DNAJC13: variants seen among roughly 807,000 people sequenced by gnomAD.
The protein encoded by DNAJC13 is dnaJ homolog subfamily C member 13.
In DNAJC13, 75 loss-of-function variants were observed where a neutral mutation model predicts 290.5. The ratio of observed to expected loss-of-function variants is 0.26; its 90% CI spans 0.21 to 0.31. The LOEUF (loss-of-function observed/expected upper bound fraction) is 0.31. Ranked by LOEUF, DNAJC13 falls within the 10% of genes least tolerant of loss-of-function variation. The pLI is 1.00. For synonymous variants in DNAJC13, 862 were observed against 892.0 expected, an observed-to-expected ratio of 0.97 and a Z score of 0.60; for missense variants, 2,260 against 2,674.5, an observed-to-expected ratio of 0.85 and a Z score of 3.42.
intron 20 of DNAJC13, among the ~76,000 whole-genome samples, chr3:132,467,788 A>C (rs1295611339): frequency 6.6e-6 from 1 of 152,134 alleles, no homozygotes; most frequent in Non-Finnish European, 1.5e-5. Context: ...TTTCTAATTC[A>C]TATTTTTGTA....
At chr3:132,458,939 C>T (rs1404912857) in intron 13 of DNAJC13, among the ~76,000 whole-genome samples, 1 of 152,136 alleles carries the variant, frequency 6.6e-6, no homozygotes, top group East Asian at 1.9e-4. Context: ...AATCTGTCAG[C>T]TTCCTGAGGA....
rs542633273 is a variant in DNAJC13, at chr3:132,464,035, G to A, written c.1892+218G>A. Reference sequence around the variant, plus strand: ...GAAACACTGTTTACTTTTTTTCCCCGACCTATTATCAGGCCCTGACACCAT... The same window carrying A: ...GAAACACTGTTTACTTTTTTTCCCCAACCTATTATCAGGCCCTGACACCAT... On this transcript the variant is annotated intron_variant, in intron 17 of 55. Coordinates refer to ENST00000260818, the MANE Select transcript of DNAJC13 (RefSeq NM_015268.4). 7.2e-5 allele frequency among the ~76,000 whole-genome samples: 11 copies of A among 151,934 alleles called. No homozygotes were observed. The South Asian group carries it at 2.3e-3, about 32-fold the overall frequency.
intron 55 of DNAJC13, among the ~76,000 whole-genome samples, chr3:132,535,325 A>C (rs540729983): frequency 6.6e-6 from 1 of 152,396 alleles, no homozygotes; most frequent in East Asian, 1.9e-4. Context: ...TGATAAATTT[A>C]AATGAGACTG....
intron 17 of DNAJC13, among the ~76,000 whole-genome samples, chr3:132,465,060 A>T (rs2107677132): frequency 1.3e-5 from 2 of 152,284 alleles, no homozygotes; most frequent in Non-Finnish European, 2.9e-5. Flanking sequence ...ATGATAACCT[A>T]CCAAATGCCA....
At position 132,538,318 on chromosome 3, in the gene DNAJC13, G is replaced by A. The variant is rs1419953352; in HGVS notation, c.*36G>A. The A allele has an allele frequency of 1.3e-6, 2 of 1,555,204 alleles. No homozygotes were observed. Among genetic ancestry groups the A allele is most frequent in the Non-Finnish European group, 1.8e-6 (2 of 1,131,570 alleles). ...AGAGACAATAAACGCTGAAAGGCCA[G>A]TGCCAAGTCCACATTCCTCCAGCTG... On this transcript the variant is annotated 3_prime_UTR_variant, in exon 56 of 56. Transcript: ENST00000260818.
At chr3:132,523,078 A>T (rs1218077352) in intron 49 of DNAJC13, 79 bp from the exon 50 acceptor site, 2 of 1,603,504 alleles carry the variant, frequency 1.2e-6, no homozygotes, top group East Asian at 4.5e-5. Context: ...TGTGCCCATC[A>T]CCTCTAAAAC....
At position 132,526,225 on chromosome 3, in the gene DNAJC13, G is replaced by A; in HGVS notation, c.6325G>A (p.Ala2109Thr). 11 of 1,614,054 alleles carry A rather than the reference G, an allele frequency of 6.8e-6. No homozygotes were observed. Among genetic ancestry groups the A allele is most frequent in the Non-Finnish European group, 9.3e-6 (11 of 1,179,978 alleles). ...AAAGCGAGCAGATACTGTTGGTCTAGCCTGTGAAGCAATTAATCGAATGTT... is the reference window on the plus strand; with the variant it reads ...AAAGCGAGCAGATACTGTTGGTCTAACCTGTGAAGCAATTAATCGAATGTT... ...MKKRADTVGL[A>T]CEAINRMFQK... Residue 2109 changes from alanine (A) to threonine (T), a missense_variant, in exon 53 of 56, where the codon GCC (alanine) becomes ACC (threonine). Ala to Thr is a moderately conservative substitution (Grantham distance 58). Transcript: ENST00000260818.
intron 1 of DNAJC13, among the ~76,000 whole-genome samples, chr3:132,433,255 A>G (rs1939287290): frequency 1.3e-5 from 2 of 152,286 alleles, no homozygotes; most frequent in South Asian, 4.1e-4. Context: ...TTTTAGAAAC[A>G]GAATCTCACT....
intron 5 of DNAJC13, among the ~76,000 whole-genome samples, chr3:132,448,558 A>G (rs1310454972): frequency 2.0e-5 from 3 of 152,126 alleles, no homozygotes; most frequent in Non-Finnish European, 4.4e-5. Context: ...CTCTCTTGAG[A>G]TATTAAATTT....
intron 52 of DNAJC13, 32 bp downstream of exon 52, chr3:132,525,821 C>A (rs1334768519): frequency 6.3e-7 from 1 of 1,597,554 alleles, no homozygotes; most frequent in Non-Finnish European, 8.5e-7. Context: ...AGTTTATAAG[C>A]TCCAGAATTT....
chr3:132,492,664 CTA>C (rs1267421445), intron 33 of DNAJC13, 49 bp downstream of exon 33: 2 of 1,531,980 alleles, frequency 1.3e-6, no homozygotes, highest in Admixed American at 3.4e-5. Flanking sequence ...AAAATAGCCT[CTA>C]AACACTTCTG....
intron 1 of DNAJC13, among the ~76,000 whole-genome samples, chr3:132,422,467 A>C (rs1214987340): frequency 1.3e-5 from 2 of 152,198 alleles, no homozygotes; most frequent in African/African-American, 4.8e-5. Flanking sequence ...ATGGGATGGC[A>C]TCCTAGCCCA....
At chr3:132,466,430 A>T (rs778870248) in intron 19 of DNAJC13, 36 bp downstream of exon 19, 16 of 1,523,426 alleles carry the variant, frequency 1.1e-5, no homozygotes, top group Non-Finnish European at 1.4e-5. Context: ...CTTTTTTAGG[A>T]GTAAGGGTAC....
chr3:132,466,503 T>C, intron 19 of DNAJC13, 109 bp downstream of exon 19: 1 of 786,982 alleles, frequency 1.3e-6, no homozygotes, highest in South Asian at 3.1e-5. Flanking sequence ...ATTCATTGCA[T>C]TGAATAGTAT....
intron 43 of DNAJC13, among the ~76,000 whole-genome samples, chr3:132,509,993 A>G (rs941869889): frequency 3.9e-5 from 6 of 152,172 alleles, no homozygotes; most frequent in African/African-American, 1.4e-4. Context: ...TGGGGTGACC[A>G]CTGACAGCTT....
chr3:132,440,118 G>T (rs1044444041), intron 2 of DNAJC13, among the ~76,000 whole-genome samples: 2 of 152,210 alleles, frequency 1.3e-5, no homozygotes, highest in African/African-American at 4.8e-5. Context: ...ATTATCTGGT[G>T]TGGTGGCGCA....
intron 26 of DNAJC13, among the ~76,000 whole-genome samples, chr3:132,481,628 A>G (rs1376785727): frequency 6.6e-6 from 1 of 152,184 alleles, no homozygotes; most frequent in Admixed American, 6.5e-5. Flanking sequence ...AAATAACCCG[A>G]CTACATAAAA....
chr3:132,486,668 C>A (rs1934889052), intron 29 of DNAJC13, among the ~76,000 whole-genome samples: 1 of 151,946 alleles, frequency 6.6e-6, no homozygotes, highest in Non-Finnish European at 1.5e-5. Context: ...TTCTGGGAGA[C>A]CTGAATCATG....
intron 1 of DNAJC13, among the ~76,000 whole-genome samples, chr3:132,421,120 G>C (rs75298685): frequency 1.3e-5 from 2 of 152,318 alleles, no homozygotes; most frequent in East Asian, 3.9e-4. Flanking sequence ...AAAGTTATAA[G>C]ATGGAGTGGA....
Sources: allele counts gnomAD v4.1 joint callset (sites outside exome capture counted in the v4.1 genomes callset), GRCh38; gene constraint gnomAD v4.1.1; transcripts MANE v1.5; gene names NCBI Gene and HGNC (gene_info 2026-07-23, HGNC 2026-07-21).